OPCML: variants seen among roughly 807,000 people sequenced by gnomAD.
OPCML encodes opioid binding protein/cell adhesion molecule like.
Under a neutral mutation model 37.8 loss-of-function variants are expected in OPCML, and 13 were observed. That is an observed-to-expected ratio of 0.34 (90% CI 0.22 to 0.55). The LOEUF is 0.55. OPCML is among the 20% of genes least tolerant of loss of function. The pLI is 0.91. For synonymous variants in OPCML, 176 were observed against 168.8 expected (o/e 1.04, Z -0.33); for missense variants, 341 against 435.6 (o/e 0.78, Z 1.93).
At chr11:132,483,974 A>G (rs1334503200) in intron 4 of OPCML, among the ~76,000 whole-genome samples, 2 of 152,064 alleles carry the variant, frequency 1.3e-5, no homozygotes, top group African/African-American at 4.8e-5. Context: ...CTAAAAGAAA[A>G]CCTAGGCTTT....
At chr11:132,500,860 T>C (rs1052765705) in intron 4 of OPCML, among the ~76,000 whole-genome samples, 1 of 152,212 alleles carries the variant, frequency 6.6e-6, no homozygotes, top group African/African-American at 2.4e-5. Context: ...CAGCTTCATC[T>C]ATGTCCCTGC....
At chr11:132,730,155 G>A (rs1945028236) in intron 2 of OPCML, among the ~76,000 whole-genome samples, 1 of 151,626 alleles carries the variant, frequency 6.6e-6, no homozygotes, top group Non-Finnish European at 1.5e-5. Flanking sequence ...TGGGATTACA[G>A]GCACCCGCCA....
intron 1 of OPCML, among the ~76,000 whole-genome samples, chr11:133,396,888 A>G (rs1261277430): frequency 5.9e-5 from 9 of 152,176 alleles, no homozygotes; most frequent in African/African-American, 2.2e-4. Flanking sequence ...TCAAATATTT[A>G]TTCCTACTTC....
intron 1 of OPCML, among the ~76,000 whole-genome samples, chr11:133,519,138 G>C (rs570086534): frequency 6.6e-6 from 1 of 152,188 alleles, no homozygotes; most frequent in African/African-American, 2.4e-5. Context: ...CCTTGTGCTG[G>C]GTGGTCTGGG....
At chr11:133,439,154 G>A in intron 1 of OPCML, 1 of 338,770 alleles carries the variant, frequency 3.0e-6, no homozygotes, top group Non-Finnish European at 4.2e-6. Flanking sequence ...TGGAAACCTG[G>A]GACTTGTGAT....
intron 1 of OPCML, among the ~76,000 whole-genome samples, chr11:133,151,346 C>A (rs376317506): frequency 1.2e-3 from 190 of 152,042 alleles, no homozygotes; most frequent in African/African-American, 4.5e-3. Context: ...AAACAAGGAT[C>A]TAATGGGCCT....
At chr11:132,945,249 C>G (rs1310384204) in intron 1 of OPCML, among the ~76,000 whole-genome samples, 1 of 152,332 alleles carries the variant, frequency 6.6e-6, no homozygotes, top group African/African-American at 2.4e-5. Flanking sequence ...CTAGTGTGTA[C>G]TTCCATAAAC....
At chr11:133,367,192 T>A (rs1038568379) in intron 1 of OPCML, among the ~76,000 whole-genome samples, 6 of 152,174 alleles carry the variant, frequency 3.9e-5, no homozygotes, top group African/African-American at 1.4e-4. Context: ...TTGGCTAGGA[T>A]GGTCTCCATC....
intron 2 of OPCML, among the ~76,000 whole-genome samples, chr11:132,897,821 G>A (rs1943906142): frequency 6.6e-6 from 1 of 152,186 alleles, no homozygotes; most frequent in African/African-American, 2.4e-5. Context: ...AAAGGAACAT[G>A]ATTAGAAAAT....
chr11:132,822,228 T>TCCATGATC (rs1233059953), intron 2 of OPCML, among the ~76,000 whole-genome samples: 2 of 151,946 alleles, frequency 1.3e-5, no homozygotes, highest in Non-Finnish European at 2.9e-5. Context: ...TTGAAGGCCC[T>TCCATGATC]CCATGATCGT....
rs1478578556 is a variant in OPCML, at chr11:133,140,928, CGACGAA to C, written c.62-197924_62-197919del. 8.5e-4 allele frequency among the ~76,000 whole-genome samples: 5 copies of C among 5,860 alleles called. 2 individuals carry two copies. Among genetic ancestry groups the C allele is most frequent in the Non-Finnish European group, 1.2e-3 (2 of 1,618 alleles). The allele number at this position is 5,860 out of a possible 152,430, so 3.8% of individuals were successfully genotyped here. A position where few individuals can be genotyped will look rare whatever the true frequency, so the allele number is the denominator to read the frequency against. ...ACGACGAAGAAGAAGAAGACGACGA[CGACGAA>C]GAAGAAGAAGACGACGAAGAAGAAG... On this transcript the variant is annotated intron_variant, in intron 1 of 7. Coordinates refer to ENST00000524381, the MANE Select transcript of OPCML (RefSeq NM_001012393.5).
chr11:132,906,486 T>C (rs1377775226), intron 2 of OPCML, among the ~76,000 whole-genome samples: 2 of 152,160 alleles, frequency 1.3e-5, no homozygotes, highest in African/African-American at 2.4e-5. Context: ...CAAGTCTTTT[T>C]GGTAATATTA....
At chr11:132,911,407 T>G (rs61906925) in intron 2 of OPCML, among the ~76,000 whole-genome samples, 36,154 of 152,184 alleles carry the variant, frequency 0.24, 7,319 homozygotes, top group African/African-American at 0.54. Context: ...GAAGTTGGAA[T>G]CTATTACCTC....
At chr11:132,580,546 G>A (rs1316584269) in intron 3 of OPCML, among the ~76,000 whole-genome samples, 1 of 152,136 alleles carries the variant, frequency 6.6e-6, no homozygotes, top group Non-Finnish European at 1.5e-5. Flanking sequence ...TTCTTAAGGT[G>A]TATATTTTTA....
intron 3 of OPCML, among the ~76,000 whole-genome samples, chr11:132,581,136 T>G (rs2096461291): frequency 6.6e-6 from 1 of 152,132 alleles, no homozygotes; most frequent in African/African-American, 2.4e-5. Flanking sequence ...TTGCCCCAAT[T>G]CAGGTAAATG....
chr11:132,580,670 C>A lies in OPCML; in HGVS notation c.380-51484G>T, dbSNP rs561666008. On this transcript the variant is annotated intron_variant, in intron 3 of 7. Transcript: ENST00000524381. ...ACACACATTTAATCTTCTCCCAAAG[C>A]TACAGCCAAAGTATAACTGGAGACA... Among the ~76,000 whole-genome samples, 3 of 152,280 alleles carry A rather than the reference C, an allele frequency of 2.0e-5. No individual in the cohort carries two copies. In the East Asian group the frequency reaches 5.8e-4, roughly 29 times the overall value.
At chr11:133,038,112 C>G (rs761166247) in intron 1 of OPCML, among the ~76,000 whole-genome samples, 2 of 152,250 alleles carry the variant, frequency 1.3e-5, no homozygotes, top group Admixed American at 1.3e-4. Context: ...GGCCACCTCT[C>G]TTTCTGCCTG....
At chr11:133,158,712 A>AATAAAATAAAAT (rs1555105907) in intron 1 of OPCML, among the ~76,000 whole-genome samples, 1,359 of 134,190 alleles carry the variant, frequency 0.01, 18 homozygotes, top group African/African-American at 0.032. Flanking sequence ...ATAAAATTAA[A>AATAAAATAAAAT]AAAATAAAAT....
chr11:132,574,834 T>G lies in OPCML; in HGVS notation c.380-45648A>C, dbSNP rs191063159. On this transcript the variant is annotated intron_variant, in intron 3 of 7. Coordinates refer to ENST00000524381, the MANE Select transcript of OPCML (RefSeq NM_001012393.5). ...TATTGATCTTCTGCCTAGAGTTCTG[T>G]CCGGCATCAAAAGTGGAGAATTGAA... Among the ~76,000 whole-genome samples the G allele has an allele frequency of 5.9e-5, 9 of 152,150 alleles. No individual in the cohort carries two copies. In the East Asian group the frequency reaches 1.4e-3, roughly 23 times the overall value.
Sources: gnomAD v4.1 joint callset for allele counts (sites outside exome capture counted in the v4.1 genomes callset) on GRCh38, gnomAD v4.1.1 for gene constraint, MANE v1.5 for transcripts, NCBI Gene and HGNC (gene_info 2026-07-23, HGNC 2026-07-21) for gene names.